BOLL: variants seen among roughly 807,000 people sequenced by gnomAD.
BOLL encodes the protein boule RNA binding protein, also known as protein boule-like.
In BOLL, 23 loss-of-function variants were observed where a neutral mutation model predicts 44.4. The observed-to-expected ratio is 0.52, with a 90% confidence interval of 0.37 to 0.73. The LOEUF (loss-of-function observed/expected upper bound fraction) is 0.73. Among genes scored for constraint, BOLL ranks in the 30% least tolerant of loss-of-function variants. BOLL has a pLI of 0.00. For missense variants in BOLL, 287 were observed against 338.3 expected (o/e 0.85, Z 1.19); for synonymous variants, 97 against 110.8 (o/e 0.88, Z 0.78).
intron 10 of BOLL, among the ~76,000 whole-genome samples, chr2:197,735,465 T>G (rs901617049): frequency 3.3e-5 from 5 of 152,144 alleles, no homozygotes; most frequent in African/African-American, 7.2e-5. Context: ...TTCTACGTTC[T>G]GAAAACTTTT....
intron 10 of BOLL, among the ~76,000 whole-genome samples, chr2:197,733,455 A>G (rs979501142): frequency 1.3e-5 from 2 of 151,456 alleles, no homozygotes; most frequent in Non-Finnish European, 3.0e-5. Flanking sequence ...GAATTGGAAG[A>G]AACTACTTTA....
At chr2:197,746,333 G>C (rs1272854315) in intron 9 of BOLL, among the ~76,000 whole-genome samples, 1 of 152,138 alleles carries the variant, frequency 6.6e-6, no homozygotes, top group Non-Finnish European at 1.5e-5. Context: ...ATGTTAAAAA[G>C]ATATCTCCAT....
chr2:197,775,623 C>G, intron 5 of BOLL, 42 bp downstream of exon 5: 1 of 1,220,800 alleles, frequency 8.2e-7, no homozygotes, highest in Non-Finnish European at 1.1e-6. Flanking sequence ...AAAAAAGAAC[C>G]ATGCAAAAAT....
intron 9 of BOLL, among the ~76,000 whole-genome samples, chr2:197,747,089 CTT>C (rs925397676): frequency 1.3e-5 from 2 of 151,776 alleles, no homozygotes; most frequent in African/African-American, 4.8e-5. Context: ...ATTGCTAAGA[CTT>C]AAAGTACCTT....
At chr2:197,736,998 C>A (rs980261837) in intron 10 of BOLL, among the ~76,000 whole-genome samples, 10 of 151,928 alleles carry the variant, frequency 6.6e-5, no homozygotes, top group Non-Finnish European at 1.5e-4. Context: ...TGACTACTGG[C>A]CCTTTATGAC....
intron 10 of BOLL, among the ~76,000 whole-genome samples, chr2:197,731,983 GA>G (rs1687204413): frequency 6.7e-6 from 1 of 150,300 alleles, no homozygotes; most frequent in Non-Finnish European, 1.5e-5. Context: ...AGGAAATAGA[GA>G]CACAAAAAAC....
At chr2:197,754,350 T>G (rs1028479237) in intron 9 of BOLL, among the ~76,000 whole-genome samples, 1 of 152,118 alleles carries the variant, frequency 6.6e-6, no homozygotes, top group Non-Finnish European at 1.5e-5. Context: ...GACCCGTTCC[T>G]TACACCTTAT....
intron 5 of BOLL, among the ~76,000 whole-genome samples, chr2:197,773,370 C>T (rs1358633672): frequency 6.6e-6 from 1 of 151,148 alleles, no homozygotes; most frequent in Non-Finnish European, 1.5e-5. Flanking sequence ...AGTGATACAG[C>T]AAAAAATAAA....
At chr2:197,743,218 C>G in intron 9 of BOLL, 59 bp from the exon 10 acceptor site, 1 of 1,289,782 alleles carries the variant, frequency 7.8e-7, no homozygotes, top group East Asian at 2.6e-5. Context: ...TAAATATTTA[C>G]TCAGCATTTA....
intron 9 of BOLL, among the ~76,000 whole-genome samples, chr2:197,744,503 T>C (rs916284602): frequency 6.6e-6 from 1 of 152,122 alleles, no homozygotes; most frequent in Non-Finnish European, 1.5e-5. Flanking sequence ...TAGGAAGTCA[T>C]TGAGGACCTT....
chr2:197,768,358 C>A (rs1450829158), intron 6 of BOLL, among the ~76,000 whole-genome samples: 2 of 151,858 alleles, frequency 1.3e-5, no homozygotes, highest in Non-Finnish European at 2.9e-5. Context: ...GGGCTTTTCA[C>A]TGAACTAAAC....
intron 7 of BOLL, among the ~76,000 whole-genome samples, chr2:197,759,792 C>T (rs775847750): frequency 2.6e-5 from 4 of 152,208 alleles, no homozygotes; most frequent in Non-Finnish European, 5.9e-5. Context: ...CCTCAAGCCT[C>T]GTAGTAGCTG....
At chr2:197,772,666 T>C (rs1217707341) in intron 5 of BOLL, among the ~76,000 whole-genome samples, 1 of 151,900 alleles carries the variant, frequency 6.6e-6, no homozygotes, top group Non-Finnish European at 1.5e-5. Context: ...CCGGGCCAAG[T>C]TATATAAACC....
intron 10 of BOLL, among the ~76,000 whole-genome samples, chr2:197,734,590 A>G (rs943833247): frequency 4.6e-5 from 7 of 152,348 alleles, no homozygotes; most frequent in Admixed American, 1.3e-4. Flanking sequence ...GTGGATTAAG[A>G]AAATGTGGCA....
At chr2:197,746,764 G>T (rs1688002082) in intron 9 of BOLL, among the ~76,000 whole-genome samples, 3 of 151,992 alleles carry the variant, frequency 2.0e-5, no homozygotes, top group African/African-American at 7.3e-5. Flanking sequence ...GCCCGGCATG[G>T]TGGTGTGCGC....
intron 6 of BOLL, among the ~76,000 whole-genome samples, chr2:197,767,186 A>T (rs1689038023): frequency 6.6e-6 from 1 of 152,028 alleles, no homozygotes; most frequent in African/African-American, 2.4e-5. Flanking sequence ...GTAACACTTG[A>T]TTATTCAAAG....
rs141649950 is a variant in BOLL, at chr2:197,756,701, G to A, written c.601-145C>T. On this transcript the variant is annotated intron_variant, in intron 8 of 10. Coordinates refer to ENST00000392296, the MANE Select transcript of BOLL (RefSeq NM_033030.6). ...AATAGCACAGAAGTATCTCAGCAAC[G>A]GATTAGAAACTGATCTGTTATAAAT... The A allele has an allele frequency of 1.7e-4, 109 of 649,766 alleles. No individual in the cohort carries two copies. The East Asian group carries it at 3.6e-3, about 21-fold the overall frequency. 40.3% of individuals were successfully genotyped at this position (649,766 alleles called of 1,614,324 possible).
chr2:197,759,686 C>G (rs1198799706), intron 7 of BOLL, among the ~76,000 whole-genome samples: 6 of 152,182 alleles, frequency 3.9e-5, no homozygotes, highest in Admixed American at 3.9e-4. Flanking sequence ...GTCTGTTGCC[C>G]TCACCTCCAG....
intron 10 of BOLL, among the ~76,000 whole-genome samples, chr2:197,735,270 T>C (rs1411777600): frequency 6.6e-6 from 1 of 152,128 alleles, no homozygotes; most frequent in Non-Finnish European, 1.5e-5. Context: ...AAGTAGTTGG[T>C]AGGCCTTTTC....
Sources: allele counts gnomAD v4.1 joint callset (sites outside exome capture counted in the v4.1 genomes callset), GRCh38; gene constraint gnomAD v4.1.1; transcripts MANE v1.5; gene names NCBI Gene and HGNC (gene_info 2026-07-23, HGNC 2026-07-21).